Variants in MIER2 observed in about 807,000 individuals in gnomAD.
MIER2 encodes the protein mesoderm induction early response protein 2.
MIER2 carries 30 observed loss-of-function variants against 67.6 expected under a neutral mutation model. The observed-to-expected ratio is 0.44, with a 90% confidence interval of 0.33 to 0.60. The LOEUF is 0.60. Ranked by LOEUF, MIER2 falls within the 20% of genes least tolerant of loss-of-function variation. The pLI, the probability that MIER2 is intolerant of heterozygous loss-of-function variation, is 0.02. For missense variants in MIER2, 702 were observed against 745.1 expected, an observed-to-expected ratio of 0.94 and a Z score of 0.67; for synonymous variants, 372 against 312.6, an observed-to-expected ratio of 1.19 and a Z score of -2.00.
intron 7 of MIER2, 72 bp from the exon 8 acceptor site, chr19:313,715 G>A (rs1208561389): frequency 5.1e-6 from 8 of 1,555,368 alleles, no homozygotes; most frequent in African/African-American, 4.1e-5. Flanking sequence ...GACAAGCAAA[G>A]CAGCCAACTC....
chr19:344,579 T>C (rs1034852155), intron 1 of MIER2, 195 bp downstream of exon 1: 8 of 114,874 alleles, frequency 7.0e-5, no homozygotes, highest in Admixed American at 2.5e-3. Flanking sequence ...AGTTGGGGGG[T>C]GGGGGCCGGC....
intron 1 of MIER2, among the ~76,000 whole-genome samples, chr19:336,834 C>T (rs1972279146): frequency 6.6e-6 from 1 of 152,002 alleles, no homozygotes; most frequent in Non-Finnish European, 1.5e-5. Context: ...ACCATTATCA[C>T]AATGTTCAAT....
chr19:316,477 A>G (rs1971240437), intron 7 of MIER2, among the ~76,000 whole-genome samples: 1 of 152,096 alleles, frequency 6.6e-6, no homozygotes, highest in Admixed American at 6.6e-5. Flanking sequence ...TTTAGTAGAC[A>G]CAGGGTTTCA....
At chr19:344,566 G>A in intron 1 of MIER2, 1 of 180,974 alleles carries the variant, frequency 5.5e-6, no homozygotes, top group Non-Finnish European at 6.9e-6. Context: ...TGGCAGCCGG[G>A]GGAGTTGGGG....
At chr19:343,470 G>A (rs939304586) in intron 1 of MIER2, among the ~76,000 whole-genome samples, 7 of 152,192 alleles carry the variant, frequency 4.6e-5, no homozygotes, top group Non-Finnish European at 7.4e-5. Context: ...ACTGGCCGGT[G>A]GTCTGGCCTA....
intron 1 of MIER2, among the ~76,000 whole-genome samples, chr19:338,382 G>A (rs1246962206): frequency 6.6e-6 from 1 of 151,510 alleles, no homozygotes; most frequent in African/African-American, 2.4e-5. Context: ...ATAGCATCAA[G>A]GGAAGTGTGA....
intron 7 of MIER2, among the ~76,000 whole-genome samples, chr19:325,256 C>T (rs1041074329): frequency 6.6e-6 from 1 of 152,222 alleles, no homozygotes; most frequent in African/African-American, 2.4e-5. Flanking sequence ...GCCGGGGGTG[C>T]AGCGCAGCAT....
intron 9 of MIER2, 51 bp from the exon 10 acceptor site, chr19:311,990 AGCG>A (rs2145365367): frequency 2.9e-6 from 4 of 1,398,468 alleles, no homozygotes; most frequent in South Asian, 1.5e-5. Flanking sequence ...GCGGGGCCGC[AGCG>A]GAAGGAAGGC....
chr19:327,087 G>A (rs756661049), intron 5 of MIER2, 46 bp downstream of exon 5: 1 of 1,552,780 alleles, frequency 6.4e-7, no homozygotes, highest in Non-Finnish European at 8.6e-7. Flanking sequence ...ACGACTGCCT[G>A]GCAGGGGGCC....
chr19:343,807 T>A lies in MIER2; in HGVS notation c.9+967A>T, dbSNP rs1017373076. 8 of 982,300 alleles carry A rather than the reference T, an allele frequency of 8.1e-6. No homozygotes were observed. The African/African-American group carries it at 1.2e-4, about 15-fold the overall frequency. The allele number at this position is 982,300 out of a possible 1,614,324, so 60.8% of individuals were successfully genotyped here. On this transcript the variant is annotated intron_variant, in intron 1 of 13. Coordinates refer to ENST00000264819, the MANE Select transcript of MIER2 (RefSeq NM_017550.3). The stretch of plus-strand genomic sequence containing the variant: ...ACCTCGCAGCCGCCGCACCTTCACC[T>A]ACATTATCTCTTTCCATCTTCACCA...
chr19:344,750 G>A (rs1292816389), intron 1 of MIER2, 24 bp downstream of exon 1: 4 of 1,172,118 alleles, frequency 3.4e-6, no homozygotes, highest in East Asian at 3.8e-5. Context: ...GCGGGGGGCC[G>A]GCTCCCCCGG....
intron 7 of MIER2, among the ~76,000 whole-genome samples, chr19:320,721 T>C (rs930270819): frequency 6.6e-6 from 1 of 152,206 alleles, no homozygotes; most frequent in Admixed American, 6.5e-5. Flanking sequence ...GGTTTCCTCC[T>C]GAAACCACGC....
At chr19:335,679 C>T (rs901204811) in intron 2 of MIER2, among the ~76,000 whole-genome samples, 2 of 152,216 alleles carry the variant, frequency 1.3e-5, no homozygotes, top group South Asian at 2.1e-4. Flanking sequence ...ACTGGGCAAG[C>T]AGCAGCGCAG....
chr19:327,016 A>G, intron 5 of MIER2, 117 bp downstream of exon 5: 2 of 1,396,042 alleles, frequency 1.4e-6, no homozygotes, highest in Non-Finnish European at 1.9e-6. Context: ...CGCCAGGCAG[A>G]CGCCCTCATC....
chr19:306,287 C>T lies in MIER2; in HGVS notation c.*403G>A, dbSNP rs974579878. ...GGCGCCCCGGCGGAGGCTGCTGGTG[C>T]GGGGCAGGGCGTCCTGCCCGTCTCC... is the stretch of plus-strand genomic sequence containing the variant. On this transcript the variant is annotated 3_prime_UTR_variant, in exon 14 of 14. Coordinates refer to ENST00000264819, the MANE Select transcript of MIER2 (RefSeq NM_017550.3). 6.6e-5 allele frequency: 16 copies of T among 241,988 alleles called. No individual in the cohort carries two copies. The highest frequency in any genetic ancestry group is 2.8e-4 in the African/African-American group (12 of 43,410). The allele number at this position is 241,988 out of a possible 1,614,324, so 15.0% of individuals were successfully genotyped here. A position where few individuals can be genotyped will look rare whatever the true frequency, so the allele number is the denominator to read the frequency against.
intron 3 of MIER2, among the ~76,000 whole-genome samples, chr19:331,945 C>T (rs1972046044): frequency 6.6e-6 from 1 of 152,116 alleles, no homozygotes; most frequent in Admixed American, 6.5e-5. Context: ...CACACCACTG[C>T]ACTCCAGCCT....
chr19:307,649 A>C, intron 12 of MIER2, 113 bp from the exon 13 acceptor site: 1 of 1,147,828 alleles, frequency 8.7e-7, no homozygotes, highest in South Asian at 2.2e-5. Flanking sequence ...TCCCCAGAAA[A>C]GCCTCCACAC....
chr19:337,244 T>C (rs779426807), intron 1 of MIER2, among the ~76,000 whole-genome samples: 13 of 152,176 alleles, frequency 8.5e-5, no homozygotes, highest in Non-Finnish European at 1.9e-4. Context: ...AAGTAAGATT[T>C]ACCGCAGGGA....
chr19:341,996 C>T (rs112332352), intron 1 of MIER2, among the ~76,000 whole-genome samples: 15,771 of 152,106 alleles, frequency 0.1, 1,290 homozygotes, highest in African/African-American at 0.22. Context: ...AAGCTTAACC[C>T]AAAATGACAG....
Sources: allele counts gnomAD v4.1 joint callset (sites outside exome capture counted in the v4.1 genomes callset), GRCh38; gene constraint gnomAD v4.1.1; transcripts MANE v1.5; gene names NCBI Gene and HGNC (gene_info 2026-07-23, HGNC 2026-07-21).